GLRA3: variants seen among roughly 807,000 people sequenced by gnomAD.
The protein encoded by GLRA3 is glycine receptor subunit alpha-3.
Under a neutral mutation model 60.4 loss-of-function variants are expected in GLRA3, and 44 were observed. The observed-to-expected ratio is 0.73, with a 90% CI of 0.57 to 0.94. GLRA3 has a LOEUF of 0.94. GLRA3 is among the 40% of genes least tolerant of loss of function. The probability of loss-of-function intolerance (pLI) is 0.00; values close to 1 mark genes in which losing one functional copy is unlikely to be tolerated. For missense variants in GLRA3, 508 were observed against 564.6 expected, an observed-to-expected ratio of 0.90 and a Z score of 1.02; for synonymous variants, 223 against 192.9, an observed-to-expected ratio of 1.16 and a Z score of -1.29.
chr4:174,715,354 G>T, intron 5 of GLRA3, 134 bp downstream of exon 5: 1 of 548,414 alleles, frequency 1.8e-6, no homozygotes, highest in Non-Finnish European at 3.4e-6. Flanking sequence ...TTCAGTACCT[G>T]GTGAAAGGTT....
intron 7 of GLRA3, among the ~76,000 whole-genome samples, chr4:174,671,190 C>T (rs2110932457): frequency 6.6e-6 from 1 of 152,106 alleles, no homozygotes; most frequent in Non-Finnish European, 1.5e-5. Flanking sequence ...TTGTACTGAA[C>T]TTGATTGAAG....
chr4:174,646,939 G>A (rs1050721785), intron 9 of GLRA3, among the ~76,000 whole-genome samples: 3 of 152,278 alleles, frequency 2.0e-5, no homozygotes, highest in African/African-American at 2.4e-5. Flanking sequence ...ATCTGATGCT[G>A]ATCCAATCCG....
At chr4:174,709,375 T>C (rs1026831147) in intron 5 of GLRA3, among the ~76,000 whole-genome samples, 3 of 152,050 alleles carry the variant, frequency 2.0e-5, no homozygotes, top group African/African-American at 7.2e-5. Flanking sequence ...GGTTTGATAT[T>C]TTTATTGTTA....
intron 2 of GLRA3, among the ~76,000 whole-genome samples, chr4:174,778,822 C>A (rs961579060): frequency 1.1e-4 from 16 of 152,178 alleles, no homozygotes; most frequent in African/African-American, 3.9e-4. Flanking sequence ...GAGGGTCCTA[C>A]CCCACGGAGT....
intron 3 of GLRA3, among the ~76,000 whole-genome samples, chr4:174,731,747 A>C (rs1273308372): frequency 2.0e-5 from 3 of 152,196 alleles, no homozygotes; most frequent in African/African-American, 7.2e-5. Context: ...TATTTGCCAC[A>C]TATACAACTG....
At chr4:174,753,243 CTTG>C (rs1169254774) in intron 3 of GLRA3, among the ~76,000 whole-genome samples, 3 of 152,076 alleles carry the variant, frequency 2.0e-5, no homozygotes, top group South Asian at 2.1e-4. Context: ...ATTTAGTTGG[CTTG>C]TTGTTTTGTG....
At chr4:174,728,435 T>C in intron 4 of GLRA3, 40 bp downstream of exon 4, 1 of 1,092,118 alleles carries the variant, frequency 9.2e-7, no homozygotes, top group Non-Finnish European at 1.4e-6. Flanking sequence ...ACCATGATAT[T>C]CTATTTCACT....
intron 2 of GLRA3, among the ~76,000 whole-genome samples, chr4:174,779,149 G>T (rs1738754542): frequency 6.6e-6 from 1 of 152,076 alleles, no homozygotes; most frequent in Non-Finnish European, 1.5e-5. Flanking sequence ...GCTTCCTCAA[G>T]TGGGTCCCTG....
intron 5 of GLRA3, among the ~76,000 whole-genome samples, chr4:174,706,001 T>C (rs896515475): frequency 1.3e-5 from 2 of 152,048 alleles, no homozygotes; most frequent in South Asian, 2.1e-4. Context: ...GAGGCCAAGG[T>C]GGGTGGATCA....
Position 174,775,802 on chromosome 4 carries a change from C to T in GLRA3, c.200-8772G>A, listed in dbSNP as rs182117605. ...TTCTATTTCAAGACAGAGAATTGAA[C>T]GTCATTTTCTTTCTTTCTGAAGACA... On this transcript the variant is annotated intron_variant, in intron 2 of 9. Transcript: ENST00000274093. Among the ~76,000 whole-genome samples the T allele has an allele frequency of 1.1e-4, 16 of 152,070 alleles. No homozygotes were observed. In the East Asian group the frequency reaches 3.1e-3, roughly 29 times the overall value.
At chr4:174,757,598 A>G (rs989511774) in intron 3 of GLRA3, among the ~76,000 whole-genome samples, 5 of 152,240 alleles carry the variant, frequency 3.3e-5, no homozygotes, top group African/African-American at 1.2e-4. Context: ...ATTAAATAAC[A>G]TAGCTTAGAA....
chr4:174,823,448 C>T (rs1740829956), intron 1 of GLRA3, among the ~76,000 whole-genome samples: 1 of 152,022 alleles, frequency 6.6e-6, no homozygotes, highest in Non-Finnish European at 1.5e-5. Flanking sequence ...TTGCTTGAAC[C>T]TGGGAGGCAG....
At chr4:174,767,581 A>G (rs1195990997) in intron 2 of GLRA3, among the ~76,000 whole-genome samples, 1 of 152,122 alleles carries the variant, frequency 6.6e-6, no homozygotes, top group East Asian at 1.9e-4. Flanking sequence ...TAGAGTGCAC[A>G]GCCAGTGAAA....
At chr4:174,682,740 G>A in intron 6 of GLRA3, 62 bp downstream of exon 6, 1 of 1,203,336 alleles carries the variant, frequency 8.3e-7, no homozygotes, top group Non-Finnish European at 1.2e-6. Flanking sequence ...TTATAATGAA[G>A]AAACATCTGG....
intron 9 of GLRA3, among the ~76,000 whole-genome samples, chr4:174,647,169 G>A (rs755503592): frequency 5.9e-5 from 9 of 152,132 alleles, no homozygotes; most frequent in Non-Finnish European, 8.8e-5. Context: ...AACTTTGGGA[G>A]GCCAAGGCAG....
chr4:174,789,008 A>T, intron 1 of GLRA3, 65 bp from the exon 2 acceptor site: 1 of 1,044,782 alleles, frequency 9.6e-7, no homozygotes, highest in East Asian at 2.7e-5. Flanking sequence ...GTTACCTACA[A>T]ATATAAAATA....
intron 9 of GLRA3, among the ~76,000 whole-genome samples, chr4:174,651,848 G>A (rs557598041): frequency 6.6e-5 from 10 of 152,154 alleles, no homozygotes; most frequent in Admixed American, 4.6e-4. Flanking sequence ...AGATCATTTT[G>A]AATGTGCCCA....
At chr4:174,662,281 A>G (rs747532979) in intron 7 of GLRA3, among the ~76,000 whole-genome samples, 1 of 152,216 alleles carries the variant, frequency 6.6e-6, no homozygotes, top group Non-Finnish European at 1.5e-5. Context: ...AGAGATACTT[A>G]TATTTATGAA....
intron 4 of GLRA3, among the ~76,000 whole-genome samples, chr4:174,726,514 T>C (rs1232204493): frequency 1.3e-5 from 2 of 152,224 alleles, no homozygotes; most frequent in Admixed American, 1.3e-4. Context: ...CTAGGGAATA[T>C]TAGATTTGCT....
Sources: allele counts gnomAD v4.1 joint callset (sites outside exome capture counted in the v4.1 genomes callset), GRCh38; gene constraint gnomAD v4.1.1; transcripts MANE v1.5; gene names NCBI Gene and HGNC (gene_info 2026-07-23, HGNC 2026-07-21).